Variants in LNX1 observed in about 807,000 individuals in gnomAD.
LNX1 encodes ligand of numb-protein X 1, also known as E3 ubiquitin-protein ligase LNX.
In LNX1, 54 loss-of-function variants were observed where a neutral mutation model predicts 68.4. The observed-to-expected ratio is 0.79, with a 90% CI of 0.63 to 0.99. The LOEUF (loss-of-function observed/expected upper bound fraction) is 0.99, where lower values mean the gene tolerates loss of function less well. LNX1 is among the 50% of genes least tolerant of loss of function. The pLI is 0.00. For synonymous variants in LNX1, 336 were observed against 350.0 expected, an observed-to-expected ratio of 0.96 and a Z score of 0.45; for missense variants, 906 against 926.4, an observed-to-expected ratio of 0.98 and a Z score of 0.29.
upstream of LNX1, among the ~76,000 whole-genome samples, chr4:53,619,763 G>A (rs1279583669): frequency 6.6e-6 from 1 of 152,164 alleles, no homozygotes; most frequent in Non-Finnish European, 1.5e-5. Flanking sequence ...GTAATTCTAT[G>A]TTTAATTTTT....
At chr4:53,562,572 G>A (rs57991612) in intron 2 of LNX1, among the ~76,000 whole-genome samples, 3 of 152,264 alleles carry the variant, frequency 2.0e-5, no homozygotes, top group South Asian at 2.1e-4. Flanking sequence ...CAAATGAAAC[G>A]CATTCTGGAG....
rs751268827 is a variant in LNX1, at chr4:53,478,674, G to A, written c.1554C>T (p.Leu518=). The change falls in exon 8 of 11, where the codon CTC becomes CTT. Residue 518 remains leucine, a synonymous_variant. Transcript: ENST00000263925. ...ATGCTCCCCCTGCGACGGTCATGCC[G>A]AGAGATTCACCGGGGTCTTTTTGGA... is the stretch of plus-strand genomic sequence containing the variant. ...VNIQKDPGES[L]GMTVAGGASH... is the part of the protein sequence containing the mutation. 6.8e-6 allele frequency: 11 copies of A among 1,614,062 alleles called. 1 individual carries two copies. In the South Asian group the frequency reaches 7.7e-5, roughly 11 times the overall value.
chr4:53,560,599 T>C lies in LNX1; in HGVS notation c.380+13024A>G, dbSNP rs369861663. 6.4e-4 allele frequency among the ~76,000 whole-genome samples: 98 copies of C among 152,306 alleles called. No individual in the cohort carries two copies. The South Asian group carries it at 0.016, about 24-fold the overall frequency. On this transcript the variant is annotated intron_variant, in intron 2 of 10. Coordinates refer to ENST00000263925, the MANE Select transcript of LNX1 (RefSeq NM_001126328.3). Reference sequence around the variant, plus strand: ...TCTCAGAAGGCTCTTTAAAGGAAGGTGTCTCCATTGGCACATTGTATTTTT... The same window carrying C: ...TCTCAGAAGGCTCTTTAAAGGAAGGCGTCTCCATTGGCACATTGTATTTTT...
chr4:53,568,056 C>A (rs1278779178), intron 2 of LNX1, among the ~76,000 whole-genome samples: 2 of 152,114 alleles, frequency 1.3e-5, no homozygotes, highest in Non-Finnish European at 2.9e-5. Context: ...CAGCCGAATT[C>A]TACCAGAGGT....
At chr4:53,498,286 A>G (rs1157123992) in intron 5 of LNX1, among the ~76,000 whole-genome samples, 2 of 152,212 alleles carry the variant, frequency 1.3e-5, no homozygotes, top group East Asian at 3.8e-4. Context: ...TTTTATATTA[A>G]TGCTCTTTAA....
At chr4:53,607,491 G>T (rs937902879) in intron 2 of LNX1, among the ~76,000 whole-genome samples, 35 of 152,186 alleles carry the variant, frequency 2.3e-4, no homozygotes, top group African/African-American at 8.2e-4. Context: ...AGCATTCCAT[G>T]TTCATAGATA....
chr4:53,627,047 G>A (rs1480638461), intron 1 of LNX1, among the ~76,000 whole-genome samples: 5 of 152,150 alleles, frequency 3.3e-5, no homozygotes, highest in African/African-American at 7.2e-5. Flanking sequence ...AGCACTGCAC[G>A]CTTCTGCAGG....
At chr4:53,567,455 A>C (rs1392188135) in intron 2 of LNX1, among the ~76,000 whole-genome samples, 1 of 152,200 alleles carries the variant, frequency 6.6e-6, no homozygotes, top group Non-Finnish European at 1.5e-5. Flanking sequence ...AATGAGAACA[A>C]AGACACAACA....
At chr4:53,617,841 CTAT>C (rs1371335430), upstream of LNX1, among the ~76,000 whole-genome samples, 8 of 152,086 alleles carry the variant, frequency 5.3e-5, no homozygotes, top group African/African-American at 1.9e-4. Context: ...AGTAAATGCT[CTAT>C]TATTTGTTAA....
chr4:53,475,255 A>C (rs1168278794), intron 9 of LNX1, among the ~76,000 whole-genome samples: 1 of 152,242 alleles, frequency 6.6e-6, no homozygotes, highest in African/African-American at 2.4e-5. Context: ...CAAAAAACAA[A>C]ATAATTTTAA....
At position 53,461,500 on chromosome 4, in the gene LNX1, T is replaced by G. The variant is rs567519101; in HGVS notation, c.1986A>C (p.Gly662=). 3.7e-6 allele frequency: 6 copies of G among 1,612,628 alleles called. No individual in the cohort carries two copies. The South Asian group carries it at 6.6e-5, about 18-fold the overall frequency. ...TGGATTTGATGAAAAAAGGTTTGTT[T>G]CCATTGTATTCTTCATAACCTCCTA... The part of the protein sequence containing the change: ...CIVGGYEEYN[G]NKPFFIKSIV... Residue 662 remains glycine (G), a synonymous_variant, in exon 10 of 11, where the codon GGA becomes GGC. Transcript: ENST00000263925.
chr4:53,527,528 G>A (rs1323933082), intron 2 of LNX1, among the ~76,000 whole-genome samples: 1 of 152,160 alleles, frequency 6.6e-6, no homozygotes, highest in Non-Finnish European at 1.5e-5. Flanking sequence ...GCACTCCTTG[G>A]CTCCACTGGT....
At chr4:53,577,478 A>C (rs960124304) in intron 1 of LNX1, among the ~76,000 whole-genome samples, 2 of 152,212 alleles carry the variant, frequency 1.3e-5, no homozygotes, top group African/African-American at 4.8e-5. Flanking sequence ...CGTTTTTCAA[A>C]CTGTGCTGTG....
chr4:53,539,062 G>C (rs1176037341), intron 2 of LNX1: 1 of 152,202 alleles, frequency 6.6e-6, no homozygotes, highest in East Asian at 1.9e-4. Context: ...AGGGCTGAAT[G>C]TGTTTTAAAG....
At chr4:53,649,227 C>A (rs1159434279) in intron 1 of LNX1, among the ~76,000 whole-genome samples, 2 of 152,158 alleles carry the variant, frequency 1.3e-5, no homozygotes, top group Non-Finnish European at 2.9e-5. Context: ...AGTGCCCTAA[C>A]CCCTTTTTGA....
intron 1 of LNX1, among the ~76,000 whole-genome samples, chr4:53,588,315 T>A (rs1732299496): frequency 6.6e-6 from 1 of 152,202 alleles, no homozygotes; most frequent in African/African-American, 2.4e-5. Context: ...CTTTCAATAT[T>A]TACAAGTAAC....
intron 1 of LNX1, among the ~76,000 whole-genome samples, chr4:53,635,310 C>G (rs1052315380): frequency 3.3e-5 from 5 of 152,276 alleles, no homozygotes; most frequent in African/African-American, 7.2e-5. Flanking sequence ...CTAGATCCCC[C>G]CTTCCGGATG....
At chr4:53,562,137 A>T (rs1279996833) in intron 2 of LNX1, among the ~76,000 whole-genome samples, 1 of 152,176 alleles carries the variant, frequency 6.6e-6, no homozygotes, top group East Asian at 1.9e-4. Context: ...TACAAAATGG[A>T]AATGTGGTCT....
chr4:53,645,894 T>C (rs989821219), intron 1 of LNX1, among the ~76,000 whole-genome samples: 3 of 152,244 alleles, frequency 2.0e-5, no homozygotes, highest in Non-Finnish European at 2.9e-5. Flanking sequence ...TACTATTTCA[T>C]ACTGATTACT....
Sources: allele counts gnomAD v4.1 joint callset (sites outside exome capture counted in the v4.1 genomes callset), GRCh38; gene constraint gnomAD v4.1.1; transcripts MANE v1.5; gene names NCBI Gene and HGNC (gene_info 2026-07-23, HGNC 2026-07-21).